Variants in KIF20B observed in about 807,000 individuals in gnomAD.
KIF20B encodes the protein kinesin family member 20B.
KIF20B carries 188 observed loss-of-function variants against 232.5 expected under a neutral mutation model. The ratio of observed to expected loss-of-function variants is 0.81; its 90% confidence interval spans 0.72 to 0.91. KIF20B has a LOEUF of 0.91. Among genes scored for constraint, KIF20B ranks in the 40% least tolerant of loss-of-function variants. The pLI is 0.00. For synonymous variants in KIF20B, 712 were observed against 683.0 expected (o/e 1.04, Z -0.66); for missense variants, 2,154 against 2,055.9 (o/e 1.05, Z -0.92).
chr10:89,735,535 CTTTTTT>C (rs397947713), intron 19 of KIF20B, among the ~76,000 whole-genome samples: 5 of 108,148 alleles, frequency 4.6e-5, no homozygotes, highest in African/African-American at 1.9e-4. Flanking sequence ...TAGTAAGTGT[CTTTTTT>C]TTTTTTTTTT....
chr10:89,722,690 TAAAC>T (rs1015016315), intron 13 of KIF20B, among the ~76,000 whole-genome samples: 4 of 151,986 alleles, frequency 2.6e-5, no homozygotes, highest in South Asian at 2.1e-4. Context: ...ATAAATAAAA[TAAAC>T]AAACTTCCCA....
rs56982634 is a variant in KIF20B, at chr10:89,732,456, T to TA, written c.2392-434dup. Among the ~76,000 whole-genome samples the TA allele has an allele frequency of 4.5e-3, 634 of 142,036 alleles. 1 individual carries two copies. Among genetic ancestry groups the TA allele is most frequent in the Non-Finnish European group, 6.6e-3 (430 of 64,820 alleles). The allele number at this position is 142,036 out of a possible 152,430, so 93.2% of individuals were successfully genotyped here. A position where few individuals can be genotyped will look rare whatever the true frequency, so the allele number is the denominator to read the frequency against. On this transcript the variant is annotated intron_variant, in intron 18 of 32. Coordinates refer to ENST00000371728, the MANE Select transcript of KIF20B (RefSeq NM_001284259.2). ...CCTTTTCAAGGGAGGCAGTCTGCCT[T>TA]AAAAAAAAAAAAAGTCTAAATGACG...
Position 89,757,040 on chromosome 10 carries a change from G to GTATA in KIF20B, c.4504-1639_4504-1636dup, listed in dbSNP as rs34325599. ...ATCTCTGTTGTGTGTGTGTGTGTGTGTATATATATATATATATATATATAT... is the reference window on the plus strand; with the variant it reads ...ATCTCTGTTGTGTGTGTGTGTGTGTGTATATATATATATATATATATATATATAT... On this transcript the variant is annotated intron_variant, in intron 26 of 32. Coordinates refer to ENST00000371728, the MANE Select transcript of KIF20B (RefSeq NM_001284259.2). Among the ~76,000 whole-genome samples, 218 of 110,728 alleles carry GTATA rather than the reference G, an allele frequency of 2.0e-3. 1 individual carries two copies. The highest frequency in any genetic ancestry group is 0.011 in the East Asian group (37 of 3,446). The allele number at this position is 110,728 out of a possible 152,430, so 72.6% of individuals were successfully genotyped here. A position where few individuals can be genotyped will look rare whatever the true frequency, so the allele number is the denominator to read the frequency against.
intron 21 of KIF20B, 137 bp downstream of exon 21, chr10:89,739,233 T>C: frequency 1.1e-6 from 1 of 901,188 alleles, no homozygotes; most frequent in South Asian, 1.8e-5. Flanking sequence ...CAAGAACAGT[T>C]ACTTCACGAG....
chr10:89,712,329 C>T (rs928200654), intron 6 of KIF20B, among the ~76,000 whole-genome samples: 1 of 151,852 alleles, frequency 6.6e-6, no homozygotes, highest in African/African-American at 2.4e-5. Context: ...TCATAGCTCA[C>T]TGCTGTCTTG....
chr10:89,720,631 C>T (rs1327968276), intron 13 of KIF20B, among the ~76,000 whole-genome samples: 2 of 152,064 alleles, frequency 1.3e-5, no homozygotes, highest in African/African-American at 2.4e-5. Flanking sequence ...AATTGTTTGT[C>T]GTCTTGTTAT....
At chr10:89,725,903 A>G (rs1843177770) in intron 15 of KIF20B, among the ~76,000 whole-genome samples, 3 of 152,186 alleles carry the variant, frequency 2.0e-5, no homozygotes, top group Admixed American at 6.5e-5. Flanking sequence ...TCTGCTGTCA[A>G]GCAAACCTTA....
intron 6 of KIF20B, 105 bp downstream of exon 6, chr10:89,711,250 T>A (rs1842832610): frequency 3.1e-6 from 2 of 647,964 alleles, no homozygotes; most frequent in Middle Eastern, 9.3e-4. Context: ...GTGGTAGTGT[T>A]TTTTGTTATT....
intron 26 of KIF20B, among the ~76,000 whole-genome samples, chr10:89,757,832 CT>C (rs1181119003): frequency 3.6e-4 from 52 of 142,960 alleles, no homozygotes; most frequent in East Asian, 6.2e-4. Flanking sequence ...GGTTGGGGTT[CT>C]TTTTTTTTTT....
intron 23 of KIF20B, among the ~76,000 whole-genome samples, 188 bp from the exon 24 acceptor site, chr10:89,751,158 G>T (rs1842013896): frequency 1.3e-5 from 2 of 152,158 alleles, no homozygotes; most frequent in South Asian, 4.1e-4. Flanking sequence ...TATATATTTA[G>T]TATGTCATAT....
Position 89,737,558 on chromosome 10 carries a change from CA to C in KIF20B, c.2718del (p.Glu907AsnfsTer2), listed in dbSNP as rs2133126666. 1.2e-6 allele frequency: 2 copies of C among 1,606,624 alleles called. No individual in the cohort carries two copies. The highest frequency in any genetic ancestry group is 4.5e-5 in the East Asian group (2 of 44,730). ...CTTAAAAATGAAAAGGAAGAAAAAGCAGAATTAAATAAACAGATTGTTCATT... is the reference window on the plus strand; with the variant it reads ...CTTAAAAATGAAAAGGAAGAAAAAGCGAATTAAATAAACAGATTGTTCATT... ...NELKNEKEEKAELNKQIVHFQ... is the reference protein window; with the variant it reads ...NELKNEKEEKXELNKQIVHFQ... On this transcript the variant is annotated frameshift_variant, in exon 20 of 33. Coordinates refer to ENST00000371728, the MANE Select transcript of KIF20B (RefSeq NM_001284259.2). LOFTEE classifies it high-confidence loss of function.
At position 89,716,445 on chromosome 10, in the gene KIF20B, G is replaced by A; in HGVS notation, c.950G>A (p.Trp317Ter). The A allele has an allele frequency of 7.0e-7, 1 of 1,434,438 alleles. No individual in the cohort carries two copies. Among genetic ancestry groups the A allele is most frequent in the Non-Finnish European group, 9.7e-7 (1 of 1,035,110 alleles). The allele number at this position is 1,434,438 out of a possible 1,614,324, so 88.9% of individuals were successfully genotyped here. Reference protein sequence around the residue: ...KGYSFIKDLQWIQVSDSKEAY... With the variant: ...KGYSFIKDLQ The stretch of plus-strand genomic sequence containing the variant: ...TCTTTATTTTTTAAAGATCTACAAT[G>A]GATTCAAGTATCTGATTCCAAAGAA... The change falls in exon 9 of 33, where the codon TGG becomes TAG. Residue 317 changes from tryptophan (W) to a stop codon, truncating the protein, a stop_gained. Transcript: ENST00000371728. LOFTEE classifies it high-confidence loss of function.
chr10:89,766,951 A>T (rs1016076385), intron 29 of KIF20B, among the ~76,000 whole-genome samples: 1 of 151,816 alleles, frequency 6.6e-6, no homozygotes, highest in East Asian at 1.9e-4. Flanking sequence ...GGAAACACCG[A>T]GTGTAGTTCT....
intron 13 of KIF20B, among the ~76,000 whole-genome samples, chr10:89,721,103 G>A (rs1263707729): frequency 6.6e-6 from 1 of 152,190 alleles, no homozygotes; most frequent in Non-Finnish European, 1.5e-5. Flanking sequence ...GTTCATGGGT[G>A]TGCTTTAATG....
intron 21 of KIF20B, among the ~76,000 whole-genome samples, chr10:89,739,862 T>C (rs1364027071): frequency 6.6e-6 from 1 of 152,212 alleles, no homozygotes; most frequent in Non-Finnish European, 1.5e-5. Context: ...ACTTTTATTT[T>C]TCACATCATA....
Position 89,738,340 on chromosome 10 carries a change from G to C in KIF20B, c.3499G>C (p.Glu1167Gln), listed in dbSNP as rs747875200. 16 of 1,610,940 alleles carry C rather than the reference G, an allele frequency of 9.9e-6. No homozygotes were observed. The East Asian group carries it at 3.6e-4, about 36-fold the overall frequency. ...TCYKAKIKEL[E>Q]TILETQKVEC... is the part of the protein sequence containing the mutation. The stretch of plus-strand genomic sequence containing the variant: ...CTATAAGGCAAAAATAAAGGAACTT[G>C]AAACAATTTTAGAGACTCAGAAAGT... The change falls in exon 20 of 33, where the codon GAA becomes CAA. Residue 1167 changes from glutamate (E) to glutamine (Q), a missense_variant. Physicochemically the swap from Glu to Gln is conservative, Grantham distance 29. Transcript: ENST00000371728.
chr10:89,732,857 T>C (rs1484909233), intron 18 of KIF20B, 46 bp from the exon 19 acceptor site: 1 of 1,421,260 alleles, frequency 7.0e-7, no homozygotes, highest in Non-Finnish European at 9.4e-7. Flanking sequence ...TGTACATTTT[T>C]TGTAGCTTTC....
At chr10:89,736,297 T>C (rs546413459) in intron 19 of KIF20B, among the ~76,000 whole-genome samples, 1 of 152,306 alleles carries the variant, frequency 6.6e-6, no homozygotes, top group South Asian at 2.1e-4. Flanking sequence ...AAAAGATATG[T>C]AGATATAAAT....
chr10:89,729,123 C>A lies in KIF20B; in HGVS notation c.2272-5C>A. The A allele has an allele frequency of 7.2e-7, 1 of 1,383,478 alleles. No individual in the cohort carries two copies. The highest frequency in any genetic ancestry group is 9.6e-7 in the Non-Finnish European group (1 of 1,036,694). 85.7% of individuals were successfully genotyped at this position (1,383,478 alleles called of 1,614,324 possible). A position where few individuals can be genotyped will look rare whatever the true frequency, so the allele number is the denominator to read the frequency against. ...ATGAAACATTGCTTTTTCTTCTTTCCAAAGAAAATAATTACACAGAATCAA... is the reference window on the plus strand; with the variant it reads ...ATGAAACATTGCTTTTTCTTCTTTCAAAAGAAAATAATTACACAGAATCAA... On this transcript the variant is annotated splice_polypyrimidine_tract_variant and splice_region_variant and intron_variant, in intron 17 of 32. Transcript: ENST00000371728.
Sources: gnomAD v4.1 joint callset for allele counts (sites outside exome capture counted in the v4.1 genomes callset) on GRCh38, gnomAD v4.1.1 for gene constraint, MANE v1.5 for transcripts, NCBI Gene and HGNC (gene_info 2026-07-23, HGNC 2026-07-21) for gene names.